The following FAM181A variants were observed in gnomAD, a reference collection of about 807,000 sequenced individuals.
FAM181A encodes the protein protein FAM181A.
Under a neutral mutation model 16.3 loss-of-function variants are expected in FAM181A, and 7 were observed. The observed-to-expected ratio is 0.43, with a 90% confidence interval of 0.24 to 0.81. The LOEUF (loss-of-function observed/expected upper bound fraction) is 0.81, where lower values mean the gene tolerates loss of function less well. Ranked by LOEUF, FAM181A falls within the 30% of genes least tolerant of loss-of-function variation. The probability of loss-of-function intolerance (pLI) is 0.24; values close to 1 mark genes in which losing one functional copy is unlikely to be tolerated. For missense variants in FAM181A, 349 were observed against 377.5 expected (o/e 0.92, Z 0.63); for synonymous variants, 183 against 164.9 (o/e 1.11, Z -0.84).
intron 1 of FAM181A, 150 bp from the exon 2 acceptor site, chr14:93,928,049 C>T (rs1377084275): frequency 3.1e-6 from 4 of 1,286,516 alleles, no homozygotes; most frequent in Non-Finnish European, 4.3e-6. Flanking sequence ...AGTGCTCAGC[C>T]ACTTGCACCC....
At chr14:93,919,586 C>T (rs1157339832) in intron 1 of FAM181A, among the ~76,000 whole-genome samples, 1 of 152,004 alleles carries the variant, frequency 6.6e-6, no homozygotes, top group East Asian at 1.9e-4. Flanking sequence ...ATTTTGCTAC[C>T]CCCAGCACTT....
At position 93,928,496 on chromosome 14, in the gene FAM181A, G is replaced by T; in HGVS notation, c.211G>T (p.Gly71Trp). 3 of 1,610,074 alleles carry T rather than the reference G, an allele frequency of 1.9e-6. No individual in the cohort carries two copies. The highest frequency in any genetic ancestry group is 2.2e-5 in the East Asian group (1 of 44,768). The change falls in exon 2 of 2, where the codon GGG becomes TGG. Residue 71 changes from glycine to tryptophan, a missense_variant. Gly to Trp is a radical substitution (Grantham distance 184). Transcript: ENST00000556222. The part of the protein sequence containing the change: ...GRAAEPYLKR[G>W]SEDRPRRLLL... ...AGCTGCTGAGCCCTACCTGAAAAGG[G>T]GGTCTGAGGACCGGCCCAGGAGGCT...
upstream of FAM181A, chr14:93,925,103 C>G: frequency 1.7e-6 from 1 of 595,328 alleles, no homozygotes; most frequent in Non-Finnish European, 2.9e-6. Context: ...TCGTAAGACA[C>G]CAACTCACCT....
Position 93,928,203 on chromosome 14 carries a change from G to A in FAM181A, c.-83G>A. 6.2e-7 allele frequency: 1 copy of A among 1,612,592 alleles called. No homozygotes were observed. Among genetic ancestry groups the A allele is most frequent in the Non-Finnish European group, 8.5e-7 (1 of 1,179,452 alleles). ...ATGGCCTGTTTTGTCCCCCAGGTCA[G>A]CTCGGTGCCCTTCCTTGGAGCTGCC... On this transcript the variant is annotated 5_prime_UTR_variant, in exon 2 of 2. Coordinates refer to ENST00000556222, the MANE Select transcript of FAM181A (RefSeq NM_001207073.2).
At chr14:93,926,381 T>C (rs1243955236), upstream of FAM181A, 1 of 152,154 alleles carries the variant, frequency 6.6e-6, no homozygotes, top group East Asian at 1.9e-4. This position sits in a 1 kb window ranked among gnomAD's most constrained non-coding sequence, Gnocchi z 5.2. Flanking sequence ...ACGGTGACAG[T>C]AGCCAAGTGT....
intron 1 of FAM181A, among the ~76,000 whole-genome samples, chr14:93,919,727 G>C (rs933358921): frequency 6.6e-6 from 1 of 152,080 alleles, no homozygotes; most frequent in East Asian, 1.9e-4. Context: ...GGTCTTTCTC[G>C]TTGCCAAAGA....
At position 93,927,470 on chromosome 14, in the gene FAM181A, C is replaced by G; in HGVS notation, c.-88+16C>G. On this transcript the variant is annotated intron_variant, in intron 1 of 1. Transcript: ENST00000556222. ...CGCACCTTCGGTCAGTGTGGAGGCC[C>G]GGTGGCTCTGGCCCGACTGGGTGGC... 4.8e-6 allele frequency: 6 copies of G among 1,242,152 alleles called. No homozygotes were observed. Among genetic ancestry groups the G allele is most frequent in the South Asian group, 4.1e-5 (3 of 72,998 alleles). The allele number at this position is 1,242,152 out of a possible 1,614,324, so 76.9% of individuals were successfully genotyped here.
chr14:93,923,129 C>T (rs1887785400), upstream of FAM181A, among the ~76,000 whole-genome samples: 1 of 152,168 alleles, frequency 6.6e-6, no homozygotes, highest in African/African-American at 2.4e-5. Context: ...CACCCGCCAC[C>T]ACACCTAGCT....
At chr14:93,922,786 A>G (rs944038077), upstream of FAM181A, among the ~76,000 whole-genome samples, 58 of 152,352 alleles carry the variant, frequency 3.8e-4, no homozygotes, top group Middle Eastern at 0.01. Flanking sequence ...TCTGCAACCA[A>G]AACAAAGTAT....
rs750566102 is a variant in FAM181A at position 93,928,547 on chromosome 14, A to C, written c.262A>C (p.Ser88Arg). 2 of 1,612,786 alleles carry C rather than the reference A, an allele frequency of 1.2e-6. No individual in the cohort carries two copies. The highest frequency in any genetic ancestry group is 1.7e-6 in the Non-Finnish European group (2 of 1,179,168). ...RLLLDLGPDS[S>R]PGGGGGCKEK... ...GCTCCTGGATTTGGGCCCTGATTCC[A>C]GCCCCGGCGGGGGTGGGGGCTGCAA... Residue 88 changes from serine (S) to arginine (R), a missense_variant, in exon 2 of 2, where the codon AGC (serine) becomes CGC (arginine). Physicochemically the swap from Ser to Arg is moderately radical, Grantham distance 110. Coordinates refer to ENST00000556222, the MANE Select transcript of FAM181A (RefSeq NM_001207073.2).
Position 93,929,044 on chromosome 14 carries a change from G to A in FAM181A, c.759G>A (p.Ala253=), listed in dbSNP as rs778855628. 12 of 1,601,724 alleles carry A rather than the reference G, an allele frequency of 7.5e-6. No homozygotes were observed. The highest frequency in any genetic ancestry group is 4.5e-5 in the South Asian group (4 of 89,770). ...GCCCAGCCTTTCCCGGGGAGCTGGCGCACCTCTGCAAGGATGTGGACGGCC... is the reference window on the plus strand; with the variant it reads ...GCCCAGCCTTTCCCGGGGAGCTGGCACACCTCTGCAAGGATGTGGACGGCC... ...RKSPAFPGEL[A]HLCKDVDGLG... Residue 253 remains alanine (A), a synonymous_variant, in exon 2 of 2, where the codon GCG becomes GCA. Transcript: ENST00000556222.
chr14:93,920,163 C>G (rs897762925), intron 1 of FAM181A, among the ~76,000 whole-genome samples: 1 of 152,142 alleles, frequency 6.6e-6, no homozygotes, highest in African/African-American at 2.4e-5. Context: ...CCTGTAATCC[C>G]AGCACTTTTG....
At chr14:93,920,710 T>C (rs1179882501) in intron 1 of FAM181A, among the ~76,000 whole-genome samples, 6 of 152,194 alleles carry the variant, frequency 3.9e-5, no homozygotes, top group African/African-American at 1.2e-4. Flanking sequence ...ATCTACAAAA[T>C]TCCCACAGCT....
chr14:93,920,568 G>A (rs1293543800), intron 1 of FAM181A, among the ~76,000 whole-genome samples: 1 of 152,030 alleles, frequency 6.6e-6, no homozygotes, highest in Non-Finnish European at 1.5e-5. Flanking sequence ...ATTGTAAATA[G>A]GCTAAAGAAA....
upstream of FAM181A, among the ~76,000 whole-genome samples, chr14:93,923,124 G>A (rs944070772): frequency 2.6e-5 from 4 of 152,066 alleles, no homozygotes; most frequent in African/African-American, 2.4e-5. Flanking sequence ...ACAGGCACCC[G>A]CCACCACACC....
At chr14:93,923,154 T>G (rs1043730880), upstream of FAM181A, among the ~76,000 whole-genome samples, 31 of 152,184 alleles carry the variant, frequency 2.0e-4, no homozygotes, top group Admixed American at 1.4e-3. Flanking sequence ...TTTGTGTTTT[T>G]AGTAGAGACG....
Position 93,928,746 on chromosome 14 carries a change from A to T in FAM181A, c.461A>T (p.Glu154Val). ...RPTHSYHVGL[E>V]GGLGPREGPP... ...ACCCACAGCTACCATGTGGGGCTGG[A>T]GGGGGGACTGGGCCCCAGGGAGGGA... is the stretch of plus-strand genomic sequence containing the variant. The change falls in exon 2 of 2, where the codon GAG (glutamate) becomes GTG (valine). Residue 154 changes from glutamate to valine, a missense_variant. By Grantham distance (121) the Glu-to-Val change is moderately radical (BLOSUM62 -2). Coordinates refer to ENST00000556222, the MANE Select transcript of FAM181A (RefSeq NM_001207073.2). The T allele has an allele frequency of 6.2e-7, 1 of 1,613,922 alleles. No individual in the cohort carries two copies. Among genetic ancestry groups the T allele is most frequent in the South Asian group, 1.1e-5 (1 of 91,086 alleles).
rs751346175 is a variant in FAM181A, at chr14:93,928,694, G to A, written c.409G>A (p.Ala137Thr). The change falls in exon 2 of 2, where the codon GCT becomes ACT. Residue 137 changes from alanine to threonine, a missense_variant. Coordinates refer to ENST00000556222, the MANE Select transcript of FAM181A (RefSeq NM_001207073.2). ...QVPMRKRQLPASFWEEPRPTH... is the reference protein window; with the variant it reads ...QVPMRKRQLPTSFWEEPRPTH... ...GCCCATGAGGAAAAGACAGCTGCCC[G>A]CTTCCTTCTGGGAAGAGCCAAGGCC... is the stretch of plus-strand genomic sequence containing the variant. 13 of 1,613,980 alleles carry A rather than the reference G, an allele frequency of 8.1e-6. No individual in the cohort carries two copies. The highest frequency in any genetic ancestry group is 1.6e-4 in the Middle Eastern group (1 of 6,062).
At chr14:93,927,060 A>ACACACACACACACC (rs143090510), upstream of FAM181A, 5,091 of 153,900 alleles carry the variant, frequency 0.033, 182 homozygotes, top group East Asian at 0.055. Flanking sequence ...ACACACACAC[A>ACACACACACACACC]CCCCACCCCC....
Sources: allele counts gnomAD v4.1 joint callset (sites outside exome capture counted in the v4.1 genomes callset), GRCh38; gene constraint gnomAD v4.1.1; non-coding constraint Gnocchi (gnomAD v3.1); transcripts MANE v1.5; gene names NCBI Gene and HGNC (gene_info 2026-07-23, HGNC 2026-07-21).